MUSK: variants seen among roughly 807,000 people sequenced by gnomAD.
MUSK encodes muscle associated receptor tyrosine kinase, also known as muscle, skeletal receptor tyrosine-protein kinase.
Under a neutral mutation model 88.7 loss-of-function variants are expected in MUSK, and 55 were observed. That is an observed-to-expected ratio of 0.62 (90% confidence interval 0.50 to 0.78). The LOEUF (loss-of-function observed/expected upper bound fraction) is 0.78, where lower values mean the gene tolerates loss of function less well. Among genes scored for constraint, MUSK ranks in the 30% least tolerant of loss-of-function variants. The pLI, the probability that MUSK is intolerant of heterozygous loss-of-function variation, is 0.00. For synonymous variants in MUSK, 387 were observed against 391.9 expected, an observed-to-expected ratio of 0.99 and a Z score of 0.15; for missense variants, 1,015 against 1,074.3, an observed-to-expected ratio of 0.94 and a Z score of 0.77.
rs141976061 is a variant in MUSK at position 110,670,663 on chromosome 9, T to C, written c.79+1680T>C. Reference sequence around the variant, plus strand: ...TAACAAAGCCAAACACCCTGACTTTTAAATAAACTAACCAGATCATTCACC... The same window carrying C: ...TAACAAAGCCAAACACCCTGACTTTCAAATAAACTAACCAGATCATTCACC... On this transcript the variant is annotated intron_variant, in intron 1 of 14. Transcript: ENST00000374448. 2.1e-3 allele frequency among the ~76,000 whole-genome samples: 323 copies of C among 152,334 alleles called. 5 individuals carry two copies. The highest frequency in any genetic ancestry group is 7.2e-3 in the African/African-American group (299 of 41,584).
chr9:110,695,345 C>T, intron 3 of MUSK, 58 bp from the exon 4 acceptor site: 1 of 1,193,104 alleles, frequency 8.4e-7, no homozygotes, highest in Non-Finnish European at 1.1e-6. Flanking sequence ...AAGTTAGAAA[C>T]TCTAGGTTTA....
Position 110,802,028 on chromosome 9 carries a change from C to A in MUSK, c.*1040C>A, listed in dbSNP as rs149464429. On this transcript the variant is annotated 3_prime_UTR_variant, in exon 15 of 15. Transcript: ENST00000374448. ...TATTATTACTAGAGTCTATTTAAAT[C>A]TCTTAAACCATAATTTATAATATGA... Among the ~76,000 whole-genome samples the A allele has an allele frequency of 2.4e-4, 37 of 152,242 alleles. No individual in the cohort carries two copies. The East Asian group carries it at 5.8e-3, about 24-fold the overall frequency.
intron 3 of MUSK, among the ~76,000 whole-genome samples, chr9:110,693,724 TAGG>T (rs926370775): frequency 3.0e-4 from 45 of 152,316 alleles, no homozygotes; most frequent in Middle Eastern, 3.4e-3. Context: ...ACTGAGAAGA[TAGG>T]AGATTTTTGC....
intron 14 of MUSK, among the ~76,000 whole-genome samples, chr9:110,790,573 C>A (rs1321454175): frequency 6.6e-6 from 1 of 152,124 alleles, no homozygotes; most frequent in Non-Finnish European, 1.5e-5. Flanking sequence ...ATGCTCAGAT[C>A]AACCATAGTA....
chr9:110,680,351 A>G (rs1029400181), intron 1 of MUSK, among the ~76,000 whole-genome samples: 8 of 150,800 alleles, frequency 5.3e-5, no homozygotes, highest in East Asian at 1.9e-4. Context: ...TTTTAATTCA[A>G]TGTGTCCAAG....
intron 3 of MUSK, among the ~76,000 whole-genome samples, chr9:110,688,435 G>A (rs774661506): frequency 3.9e-5 from 6 of 151,950 alleles, no homozygotes; most frequent in Non-Finnish European, 8.8e-5. Flanking sequence ...CTGCCACTGT[G>A]AGGAAAGGTA....
intron 5 of MUSK, among the ~76,000 whole-genome samples, chr9:110,710,854 C>G (rs1227185338): frequency 6.6e-6 from 1 of 152,094 alleles, no homozygotes; most frequent in Non-Finnish European, 1.5e-5. Context: ...AAATACTGAT[C>G]CATTCTAGCA....
At chr9:110,672,311 G>A (rs1255509505) in intron 1 of MUSK, among the ~76,000 whole-genome samples, 3 of 152,178 alleles carry the variant, frequency 2.0e-5, no homozygotes, top group African/African-American at 7.2e-5. Context: ...GGGCCTGAAA[G>A]GAGTGGCTCT....
rs1356218784 is a variant in MUSK, at chr9:110,775,806, A to G, written c.1203A>G (p.Val401=). 1.2e-6 allele frequency: 2 copies of G among 1,613,878 alleles called. No individual in the cohort carries two copies. Among genetic ancestry groups the G allele is most frequent in the Admixed American group, 1.7e-5 (1 of 60,004 alleles). The change falls in exon 10 of 15, where the codon GTA becomes GTG. Residue 401 remains valine, a synonymous_variant. Transcript: ENST00000374448. The part of the protein sequence containing the change: ...IPICREYCLA[V]KELFCAKEWL... ...ATTTTAGAGAGTACTGCTTGGCAGTAAAGGAGCTCTTCTGCGCAAAAGAAT... is the reference window on the plus strand; with the variant it reads ...ATTTTAGAGAGTACTGCTTGGCAGTGAAGGAGCTCTTCTGCGCAAAAGAAT...
At chr9:110,671,183 G>A (rs1413078250) in intron 1 of MUSK, among the ~76,000 whole-genome samples, 1 of 152,052 alleles carries the variant, frequency 6.6e-6, no homozygotes, top group African/African-American at 2.4e-5. Context: ...TGTTGGCCAA[G>A]ATGGTCTCCA....
rs1186409469 is a variant in MUSK at position 110,802,584 on chromosome 9, A to T, written c.*1596A>T. 6.6e-6 allele frequency among the ~76,000 whole-genome samples: 1 copy of T among 152,172 alleles called. No homozygotes were observed. Among genetic ancestry groups the T allele is most frequent in the Non-Finnish European group, 1.5e-5 (1 of 68,036 alleles). On this transcript the variant is annotated 3_prime_UTR_variant, in exon 15 of 15. Transcript: ENST00000374448. ...GCCATTTCTTATTCATAGTGTCTCC[A>T]GGCAACCAAGACAAAAATGTAGAAA...
intron 5 of MUSK, among the ~76,000 whole-genome samples, chr9:110,699,945 T>C (rs1288997423): frequency 3.9e-5 from 6 of 152,198 alleles, no homozygotes; most frequent in Non-Finnish European, 8.8e-5. Flanking sequence ...TACCATGTGT[T>C]AACTAAATCT....
At chr9:110,799,111 C>A (rs894488379) in intron 14 of MUSK, among the ~76,000 whole-genome samples, 2 of 152,068 alleles carry the variant, frequency 1.3e-5, no homozygotes, top group African/African-American at 2.4e-5. Context: ...GTTGGTATTT[C>A]TTTATTTTTT....
chr9:110,691,465 C>A (rs73657640), intron 3 of MUSK, among the ~76,000 whole-genome samples: 270 of 152,168 alleles, frequency 1.8e-3, no homozygotes, highest in African/African-American at 6.2e-3. Flanking sequence ...TACCTTGATT[C>A]GTCTCTGTTC....
intron 1 of MUSK, among the ~76,000 whole-genome samples, chr9:110,670,386 G>A (rs888573417): frequency 1.3e-5 from 2 of 151,992 alleles, no homozygotes; most frequent in African/African-American, 2.4e-5. Flanking sequence ...TCTAAACCAC[G>A]CAGTTACATA....
intron 1 of MUSK, among the ~76,000 whole-genome samples, chr9:110,676,990 T>C (rs2076039624): frequency 6.6e-6 from 1 of 152,222 alleles, no homozygotes; most frequent in Non-Finnish European, 1.5e-5. Context: ...GCATCCATCT[T>C]GTCCTCCTTC....
chr9:110,736,048 G>C lies in MUSK; in HGVS notation c.753+1673G>C, dbSNP rs561952242. On this transcript the variant is annotated intron_variant, in intron 6 of 14. Transcript: ENST00000374448. Reference sequence around the variant, plus strand: ...GACACAGATCTAAACCATAGCAATAGCACAACAGGACAACTATACATAGTT... The same window carrying C: ...GACACAGATCTAAACCATAGCAATACCACAACAGGACAACTATACATAGTT... 3.3e-5 allele frequency among the ~76,000 whole-genome samples: 5 copies of C among 152,146 alleles called. No homozygotes were observed. The East Asian group carries it at 9.7e-4, about 29-fold the overall frequency.
At chr9:110,772,254 C>G (rs1163936168) in intron 9 of MUSK, among the ~76,000 whole-genome samples, 3 of 151,654 alleles carry the variant, frequency 2.0e-5, no homozygotes, top group Admixed American at 2.0e-4. Flanking sequence ...TGTCCCAGAT[C>G]AGTTTACATG....
chr9:110,760,933 A>G (rs923168115), intron 7 of MUSK, among the ~76,000 whole-genome samples: 3 of 152,104 alleles, frequency 2.0e-5, no homozygotes, highest in Admixed American at 6.6e-5. Context: ...CCCCAAAATA[A>G]CACCCAAATG....
Sources: allele counts gnomAD v4.1 joint callset (sites outside exome capture counted in the v4.1 genomes callset), GRCh38; gene constraint gnomAD v4.1.1; transcripts MANE v1.5; gene names NCBI Gene and HGNC (gene_info 2026-07-23, HGNC 2026-07-21).